The following AGBL1 variants were observed in gnomAD, a reference collection of about 807,000 sequenced individuals.
AGBL1 encodes AGBL carboxypeptidase 1.
AGBL1 carries 130 observed loss-of-function variants against 118.9 expected under a neutral mutation model. The ratio of observed to expected loss-of-function variants is 1.09; its 90% CI spans 0.95 to 1.26. The LOEUF (loss-of-function observed/expected upper bound fraction) is 1.26. AGBL1 is among the 50% of genes most tolerant of loss of function. The pLI is 0.00. For missense variants in AGBL1, 1,584 were observed against 1,298.1 expected, an observed-to-expected ratio of 1.22 and a Z score of -3.38; for synonymous variants, 555 against 478.9, an observed-to-expected ratio of 1.16 and a Z score of -2.08.
chr15:86,998,978 C>T (rs977479756), intron 24 of AGBL1, among the ~76,000 whole-genome samples: 2 of 150,560 alleles, frequency 1.3e-5, no homozygotes, highest in Non-Finnish European at 3.0e-5. Flanking sequence ...TCATCATTTA[C>T]ATTAGGTGTA....
intron 22 of AGBL1, among the ~76,000 whole-genome samples, chr15:86,817,553 AGAG>A (rs2078879775): frequency 7.8e-6 from 1 of 128,954 alleles, no homozygotes; most frequent in Admixed American, 8.2e-5. Context: ...ACAGACACAC[AGAG>A]GAGAGAGAGA....
rs201256034 is a variant in AGBL1, at chr15:86,965,895, C to G, written c.3222-22092C>G. 4.6e-5 allele frequency among the ~76,000 whole-genome samples: 7 copies of G among 152,114 alleles called. No homozygotes were observed. In the East Asian group the frequency reaches 1.4e-3, roughly 30 times the overall value. Reference sequence around the variant, plus strand: ...GGAGGGATAGCATTAGGAGAAATACCTAATGTAGATGACGGGTTGATGGTT... The same window carrying G: ...GGAGGGATAGCATTAGGAGAAATACGTAATGTAGATGACGGGTTGATGGTT... On this transcript the variant is annotated intron_variant, in intron 23 of 24. Transcript: ENST00000441037.
At chr15:86,795,565 A>G (rs1032712039) in intron 22 of AGBL1, among the ~76,000 whole-genome samples, 2 of 149,868 alleles carry the variant, frequency 1.3e-5, no homozygotes, top group African/African-American at 4.9e-5. Flanking sequence ...GCATTTGACT[A>G]GTAAACCTTG....
At chr15:86,840,948 C>A (rs2079236594) in intron 22 of AGBL1, among the ~76,000 whole-genome samples, 1 of 152,126 alleles carries the variant, frequency 6.6e-6, no homozygotes, top group African/African-American at 2.4e-5. Context: ...CTGCAACTCA[C>A]AAACAACAGT....
At chr15:87,020,718 A>T (rs1475431487) in intron 24 of AGBL1, among the ~76,000 whole-genome samples, 7 of 152,164 alleles carry the variant, frequency 4.6e-5, no homozygotes, top group Admixed American at 2.0e-4. Context: ...GCAAGCAGAG[A>T]GTCAAATCAT....
intron 16 of AGBL1, among the ~76,000 whole-genome samples, chr15:86,293,439 C>A (rs2079580307): frequency 6.6e-6 from 1 of 152,152 alleles, no homozygotes; most frequent in Admixed American, 6.5e-5. Context: ...TCAAAGCCAG[C>A]AAGGGAAGAC....
intron 23 of AGBL1, among the ~76,000 whole-genome samples, chr15:86,972,834 A>G (rs2081123946): frequency 6.6e-6 from 1 of 151,982 alleles, no homozygotes; most frequent in African/African-American, 2.4e-5. Flanking sequence ...TTAGTTTTTC[A>G]CAATCTGACA....
intron 22 of AGBL1, among the ~76,000 whole-genome samples, chr15:86,676,873 C>T (rs890193000): frequency 1.2e-4 from 19 of 152,034 alleles, no homozygotes; most frequent in African/African-American, 3.4e-4. Context: ...GAGGCTGAGG[C>T]GGGTGGATCA....
chr15:86,320,558 T>C (rs960840808), intron 17 of AGBL1, among the ~76,000 whole-genome samples: 13 of 152,128 alleles, frequency 8.5e-5, no homozygotes, highest in Non-Finnish European at 1.3e-4. Context: ...AGTTTTTTTT[T>C]CCCCTTTGCT....
At chr15:86,614,406 T>C (rs2084695820) in intron 21 of AGBL1, among the ~76,000 whole-genome samples, 1 of 152,226 alleles carries the variant, frequency 6.6e-6, no homozygotes, top group Non-Finnish European at 1.5e-5. Context: ...ATTTAGCACC[T>C]TCAAGCACTT....
At chr15:86,261,143 T>A (rs2078976036) in intron 9 of AGBL1, among the ~76,000 whole-genome samples, 1 of 152,198 alleles carries the variant, frequency 6.6e-6, no homozygotes, top group African/African-American at 2.4e-5. Flanking sequence ...GTGGGTCGCC[T>A]AGTCACATGT....
chr15:86,526,694 T>A (rs1023520703), intron 19 of AGBL1, among the ~76,000 whole-genome samples: 2 of 151,124 alleles, frequency 1.3e-5, no homozygotes, highest in Non-Finnish European at 2.9e-5. Context: ...TTAAAAAGAA[T>A]GAATTAATAT....
chr15:86,750,067 A>G (rs958018142), intron 22 of AGBL1, among the ~76,000 whole-genome samples: 1 of 152,120 alleles, frequency 6.6e-6, no homozygotes, highest in African/African-American at 2.4e-5. Context: ...ATTAATTGGA[A>G]TAATTTCAGA....
At chr15:86,378,493 G>T (rs1279288949) in intron 17 of AGBL1, among the ~76,000 whole-genome samples, 2 of 152,094 alleles carry the variant, frequency 1.3e-5, no homozygotes, top group Non-Finnish European at 2.9e-5. Context: ...CACTCAGCCA[G>T]CCCTGGTCAT....
At chr15:86,713,917 TAG>T (rs770913394) in intron 22 of AGBL1, among the ~76,000 whole-genome samples, 2 of 152,138 alleles carry the variant, frequency 1.3e-5, no homozygotes, top group Non-Finnish European at 2.9e-5. Flanking sequence ...ATGCGGCTGT[TAG>T]AGAGAGTGAA....
chr15:86,215,217 A>ATGTATG (rs2078165931), intron 5 of AGBL1, among the ~76,000 whole-genome samples: 3 of 128,216 alleles, frequency 2.3e-5, no homozygotes, highest in South Asian at 3.0e-4. Flanking sequence ...GTGAGTGTAT[A>ATGTATG]TGTATGCGTG....
intron 21 of AGBL1, among the ~76,000 whole-genome samples, chr15:86,672,515 G>A (rs1393140740): frequency 3.3e-5 from 5 of 152,226 alleles, no homozygotes; most frequent in Admixed American, 2.0e-4. Flanking sequence ...TCCTGCCCCC[G>A]AGGGCCAGAG....
chr15:86,878,636 T>C (rs2079848016), intron 22 of AGBL1, among the ~76,000 whole-genome samples: 1 of 152,130 alleles, frequency 6.6e-6, no homozygotes, highest in Non-Finnish European at 1.5e-5. Context: ...CCCACCACAT[T>C]GTAATGTAAT....
intron 23 of AGBL1, among the ~76,000 whole-genome samples, chr15:86,925,759 C>G (rs1341345101): frequency 7.5e-6 from 1 of 134,044 alleles, no homozygotes; most frequent in South Asian, 2.3e-4. Context: ...GAGACAGAGT[C>G]TCACTCTGTC....
Sources: allele counts gnomAD v4.1 joint callset (sites outside exome capture counted in the v4.1 genomes callset), GRCh38; gene constraint gnomAD v4.1.1; transcripts MANE v1.5; gene names NCBI Gene and HGNC (gene_info 2026-07-23, HGNC 2026-07-21).